The following CTNNA3 variants were observed in gnomAD, a reference collection of about 807,000 sequenced individuals.
CTNNA3 encodes catenin alpha-3.
In CTNNA3, 76 loss-of-function variants were observed where a neutral mutation model predicts 95.7. The observed-to-expected ratio is 0.79, with a 90% CI of 0.66 to 0.96. The LOEUF is 0.96. Ranked by LOEUF, CTNNA3 falls within the 40% of genes least tolerant of loss-of-function variation. The pLI, the probability that CTNNA3 is intolerant of heterozygous loss-of-function variation, is 0.00. For synonymous variants in CTNNA3, 431 were observed against 374.4 expected (o/e 1.15, Z -1.74); for missense variants, 1,191 against 1,089.8 (o/e 1.09, Z -1.31).
chr10:66,650,584 T>C (rs1158891004), intron 9 of CTNNA3, among the ~76,000 whole-genome samples: 1 of 152,042 alleles, frequency 6.6e-6, no homozygotes, highest in Non-Finnish European at 1.5e-5. Context: ...AATGTTACAG[T>C]TTTTAAAGAT....
At chr10:67,238,492 T>C (rs986817356) in intron 5 of CTNNA3, among the ~76,000 whole-genome samples, 2 of 151,976 alleles carry the variant, frequency 1.3e-5, no homozygotes, top group Admixed American at 6.6e-5. Context: ...AGAAAACGCA[T>C]GCAGGCTACA....
At chr10:67,016,191 C>T (rs117323380) in intron 7 of CTNNA3, among the ~76,000 whole-genome samples, 6 of 152,202 alleles carry the variant, frequency 3.9e-5, no homozygotes, top group Non-Finnish European at 7.4e-5. Flanking sequence ...CCTTTCTGAT[C>T]GCTACTCCTC....
At chr10:67,052,313 A>ACTCT (rs3841706) in intron 7 of CTNNA3, among the ~76,000 whole-genome samples, 5,480 of 120,860 alleles carry the variant, frequency 0.045, 300 homozygotes, top group African/African-American at 0.13. Context: ...CCCACTCATC[A>ACTCT]CTCTCTCTCT....
intron 5 of CTNNA3, among the ~76,000 whole-genome samples, chr10:67,220,712 G>A (rs1370146493): frequency 6.6e-6 from 1 of 152,070 alleles, no homozygotes; most frequent in Non-Finnish European, 1.5e-5. Flanking sequence ...GAGAAGAGAG[G>A]AAAGAGAATG....
intron 14 of CTNNA3, among the ~76,000 whole-genome samples, chr10:66,089,159 G>T (rs1395480066): frequency 6.6e-6 from 1 of 151,764 alleles, no homozygotes; most frequent in African/African-American, 2.4e-5. Flanking sequence ...CCATCCTAAA[G>T]TCACAAAAAT....
At chr10:66,535,160 GA>G (rs951838605) in intron 10 of CTNNA3, among the ~76,000 whole-genome samples, 268 of 146,672 alleles carry the variant, frequency 1.8e-3, no homozygotes, top group Non-Finnish European at 2.8e-3. Flanking sequence ...TCTTAAGGGG[GA>G]AAAAAAAAAC....
chr10:66,821,776 A>C (rs1351802456), intron 7 of CTNNA3, among the ~76,000 whole-genome samples: 1 of 152,056 alleles, frequency 6.6e-6, no homozygotes, highest in African/African-American at 2.4e-5. Context: ...CGCTTTTATC[A>C]TCGTATTTAT....
intron 13 of CTNNA3, among the ~76,000 whole-genome samples, chr10:66,175,953 T>C (rs1458810956): frequency 6.6e-6 from 1 of 152,190 alleles, no homozygotes; most frequent in Non-Finnish European, 1.5e-5. Flanking sequence ...CAAGAATTCT[T>C]TGGAGTTCCA....
chr10:65,948,876 C>A (rs1371295179), intron 17 of CTNNA3, among the ~76,000 whole-genome samples: 1 of 152,112 alleles, frequency 6.6e-6, no homozygotes, highest in African/African-American at 2.4e-5. Context: ...CAAGTAATGA[C>A]AACTCTAAAC....
intron 7 of CTNNA3, among the ~76,000 whole-genome samples, chr10:67,110,546 G>A (rs1858868550): frequency 6.6e-6 from 1 of 152,098 alleles, no homozygotes; most frequent in Admixed American, 6.6e-5. Context: ...ATCTCCATCT[G>A]CTGATTGAAA....
chr10:67,481,720 GT>G (rs888751525), intron 5 of CTNNA3, among the ~76,000 whole-genome samples: 10 of 152,240 alleles, frequency 6.6e-5, no homozygotes, highest in African/African-American at 2.2e-4. Flanking sequence ...TCTGATGGTA[GT>G]TTTTTTGCTG....
intron 11 of CTNNA3, among the ~76,000 whole-genome samples, chr10:66,451,337 GTTA>G (rs2131824411): frequency 6.6e-6 from 1 of 152,250 alleles, no homozygotes; most frequent in South Asian, 2.1e-4. Flanking sequence ...TAAGGTAAAT[GTTA>G]TTATAATTAT....
At position 66,926,619 on chromosome 10, in the gene CTNNA3, TAAAAACA is replaced by T. The variant is rs746377219; in HGVS notation, c.1048-151102_1048-151096del. 1.1e-4 allele frequency: 171 copies of T among 1,612,800 alleles called. 1 individual carries two copies. In the South Asian group the frequency reaches 1.4e-3, roughly 13 times the overall value. ...TTTGTCATTTTTCTTCTTTCCTTCT[TAAAAACA>T]AAAAACAAAAAACCTCTAGTGTGTG... On this transcript the variant is annotated intron_variant, in intron 7 of 17. Transcript: ENST00000433211.
intron 5 of CTNNA3, among the ~76,000 whole-genome samples, chr10:67,490,201 T>C (rs1848597672): frequency 6.6e-6 from 1 of 152,208 alleles, no homozygotes; most frequent in African/African-American, 2.4e-5. Flanking sequence ...GTAGACAATT[T>C]ATGTAGCCAA....
chr10:66,065,691 G>A (rs749899792), intron 15 of CTNNA3, among the ~76,000 whole-genome samples: 1 of 151,470 alleles, frequency 6.6e-6, no homozygotes. Flanking sequence ...TATTTTCTCT[G>A]CCCACTTCTT....
rs557094343 is a variant in CTNNA3, at chr10:66,137,101, C to T, written c.1885-33852G>A. On this transcript the variant is annotated intron_variant, in intron 13 of 17. Coordinates refer to ENST00000433211, the MANE Select transcript of CTNNA3 (RefSeq NM_013266.4). Reference sequence around the variant, plus strand: ...CCTCCCAAAGTGGCTTGAGCCACCGCGCCCAGCCTAGTTCACATAATTTAA... The same window carrying T: ...CCTCCCAAAGTGGCTTGAGCCACCGTGCCCAGCCTAGTTCACATAATTTAA... Among the ~76,000 whole-genome samples the T allele has an allele frequency of 3.1e-3, 464 of 152,116 alleles. 6 individuals carry two copies. Among genetic ancestry groups the T allele is most frequent in the African/African-American group, 0.01 (434 of 41,510 alleles).
chr10:66,867,361 A>G (rs1299095177), intron 7 of CTNNA3, among the ~76,000 whole-genome samples: 1 of 152,212 alleles, frequency 6.6e-6, no homozygotes, highest in Non-Finnish European at 1.5e-5. Context: ...TAATTCACAG[A>G]AAGTTATTAA....
chr10:67,521,497 G>T (rs896074766), intron 5 of CTNNA3, among the ~76,000 whole-genome samples: 1 of 152,026 alleles, frequency 6.6e-6, no homozygotes, highest in Admixed American at 6.6e-5. Flanking sequence ...TTCTCCCCAG[G>T]TCAAATATAA....
At chr10:67,162,451 T>C (rs1212900667) in intron 7 of CTNNA3, among the ~76,000 whole-genome samples, 2 of 151,798 alleles carry the variant, frequency 1.3e-5, no homozygotes, top group South Asian at 2.1e-4. Context: ...CTGCGCACAA[T>C]CAAATCAAAA....
Sources: gnomAD v4.1 joint callset for allele counts (sites outside exome capture counted in the v4.1 genomes callset) on GRCh38, gnomAD v4.1.1 for gene constraint, MANE v1.5 for transcripts, NCBI Gene and HGNC (gene_info 2026-07-23, HGNC 2026-07-21) for gene names.